MLPH: variants seen among roughly 807,000 people sequenced by gnomAD.
The protein encoded by MLPH is exophilin-3.
In MLPH, 51 loss-of-function variants were observed where a neutral mutation model predicts 72.1. That is an observed-to-expected ratio of 0.71 (90% CI 0.56 to 0.89). MLPH has a LOEUF of 0.89. Among genes scored for constraint, MLPH ranks in the 40% least tolerant of loss-of-function variants. The probability of loss-of-function intolerance (pLI) is 0.00; values close to 1 mark genes in which losing one functional copy is unlikely to be tolerated. For missense variants in MLPH, 743 were observed against 759.9 expected (o/e 0.98, Z 0.26); for synonymous variants, 301 against 310.1 (o/e 0.97, Z 0.31).
intron 6 of MLPH, among the ~76,000 whole-genome samples, chr2:237,524,044 G>A (rs1435078134): frequency 1.3e-5 from 2 of 152,106 alleles, no homozygotes; most frequent in Non-Finnish European, 1.5e-5. Flanking sequence ...AGTCGAACAG[G>A]AGGAACGTGA....
intron 2 of MLPH, among the ~76,000 whole-genome samples, chr2:237,504,109 C>T (rs2106481892): frequency 6.6e-6 from 1 of 152,366 alleles, no homozygotes; most frequent in East Asian, 1.9e-4. Context: ...GGAGGTGCCA[C>T]AATCCTGCCG....
intron 2 of MLPH, among the ~76,000 whole-genome samples, chr2:237,497,117 G>T (rs772599117): frequency 3.9e-5 from 6 of 152,168 alleles, no homozygotes; most frequent in African/African-American, 1.4e-4. Flanking sequence ...TAGATCCCTC[G>T]CAAGCACAGT....
chr2:237,499,165 C>T (rs111655607), intron 2 of MLPH, among the ~76,000 whole-genome samples: 11 of 152,168 alleles, frequency 7.2e-5, no homozygotes, highest in South Asian at 2.1e-4. Context: ...AACTGCTTCA[C>T]GGCAGAGTGT....
In MLPH at chr2:237,492,033, A is replaced by G. The variant is rs151163985; in HGVS notation, c.-24-1370A>G. The stretch of plus-strand genomic sequence containing the variant: ...TCGAGCTGCCTGGAGATCTTGTTCA[A>G]AGGCAGATTCTGAATGAGTAGGTCT... On this transcript the variant is annotated intron_variant, in intron 1 of 15. Transcript: ENST00000264605. Among the ~76,000 whole-genome samples, 877 of 152,300 alleles carry G rather than the reference A, an allele frequency of 5.8e-3. 16 individuals carry two copies. Among genetic ancestry groups the G allele is most frequent in the African/African-American group, 0.02 (849 of 41,548 alleles).
In MLPH at chr2:237,510,440, T is replaced by C. The variant is rs2079865512; in HGVS notation, c.111-134T>C. ...TTTGCCCAACGTTGGGTCACTGTTT[T>C]CTGCATAGGAGACAGTTACTGTGTG... On this transcript the variant is annotated intron_variant, in intron 2 of 15. Coordinates refer to ENST00000264605, the MANE Select transcript of MLPH (RefSeq NM_024101.7). The surrounding 1 kb of genome is among the most constrained non-coding windows in gnomAD (Gnocchi z 4.4). 1 of 944,894 alleles carries C rather than the reference T, an allele frequency of 1.1e-6. No homozygotes were observed. Among genetic ancestry groups the C allele is most frequent in the East Asian group, 2.6e-5 (1 of 37,970 alleles). The allele number at this position is 944,894 out of a possible 1,614,324, so 58.5% of individuals were successfully genotyped here. A position where few individuals can be genotyped will look rare whatever the true frequency, so the allele number is the denominator to read the frequency against.
At chr2:237,546,359 A>G in intron 12 of MLPH, 1 of 539,180 alleles carries the variant, frequency 1.9e-6, no homozygotes, top group Admixed American at 3.1e-5. Context: ...GTGGAGTCTC[A>G]AGATTTGTTT....
intron 10 of MLPH, 55 bp downstream of exon 10, chr2:237,540,588 T>C: frequency 1.3e-6 from 2 of 1,570,122 alleles, no homozygotes; most frequent in South Asian, 1.2e-5. Flanking sequence ...GGGGCAGGGA[T>C]GGACAGTCCC....
In MLPH at chr2:237,525,847, G is replaced by T. The variant is rs574393504; in HGVS notation, c.880+42G>T. The T allele has an allele frequency of 3.9e-5, 62 of 1,579,540 alleles. No individual in the cohort carries two copies. In the African/African-American group the frequency reaches 5.9e-4, roughly 15 times the overall value. On this transcript the variant is annotated intron_variant, in intron 7 of 15. Coordinates refer to ENST00000264605, the MANE Select transcript of MLPH (RefSeq NM_024101.7). ...AGGGTCTTCCTGATGGGCTCGGCATGGGGGAGCAGGTCACTGAGGAACAAC... is the reference window on the plus strand; with the variant it reads ...AGGGTCTTCCTGATGGGCTCGGCATTGGGGAGCAGGTCACTGAGGAACAAC...
intron 4 of MLPH, among the ~76,000 whole-genome samples, chr2:237,513,491 C>T (rs527985713): frequency 4.9e-4 from 74 of 152,300 alleles, no homozygotes; most frequent in African/African-American, 1.7e-3. Context: ...TTTGTTTTCT[C>T]CTATCAAGAG....
At position 237,553,608 on chromosome 2, in the gene MLPH, A is replaced by C; in HGVS notation, c.*16A>C. On this transcript the variant is annotated 3_prime_UTR_variant, in exon 16 of 16. Transcript: ENST00000264605. ...CCAGTCCTAACGGGACAGGACAGAG[A>C]GACAGAGCAGCCCTGCACTGTTTTC... 2 of 1,614,230 alleles carry C rather than the reference A, an allele frequency of 1.2e-6. No individual in the cohort carries two copies. The highest frequency in any genetic ancestry group is 1.7e-6 in the Non-Finnish European group (2 of 1,180,046).
chr2:237,547,912 G>A (rs1053024676), intron 13 of MLPH, among the ~76,000 whole-genome samples: 1 of 152,140 alleles, frequency 6.6e-6, no homozygotes, highest in African/African-American at 2.4e-5. Flanking sequence ...CGCCCCAGGA[G>A]GAATGGGCTT....
chr2:237,500,832 C>T (rs1238883287), intron 2 of MLPH, among the ~76,000 whole-genome samples: 2 of 152,096 alleles, frequency 1.3e-5, no homozygotes, highest in South Asian at 2.1e-4. Context: ...CACTGCTCAC[C>T]GCCCTCAATG....
rs2080097187 is a variant in MLPH, at chr2:237,518,326, G to C, written c.446-213G>C. ...AAATGGGTGGGTGGGTAGGTGAATAGATGAATAGATTGATAAATAGGGGGA... is the reference window on the plus strand; with the variant it reads ...AAATGGGTGGGTGGGTAGGTGAATACATGAATAGATTGATAAATAGGGGGA... On this transcript the variant is annotated intron_variant, in intron 4 of 15. Transcript: ENST00000264605. 6.2e-6 allele frequency: 4 copies of C among 650,352 alleles called. No homozygotes were observed. In the East Asian group the frequency reaches 1.1e-4, roughly 18 times the overall value. 40.3% of individuals were successfully genotyped at this position (650,352 alleles called of 1,614,324 possible).
intron 10 of MLPH, 27 bp downstream of exon 10, chr2:237,540,560 C>A (rs757708240): frequency 3.1e-6 from 5 of 1,598,962 alleles, no homozygotes; most frequent in Admixed American, 3.4e-5. Flanking sequence ...GAGGTCTCAG[C>A]AGGACCCTGC....
rs1553600588 is a variant in MLPH at position 237,531,310 on chromosome 2, G to GGTGGTCAGGATAGAGACATCTCTGGT, written c.1021-3250_1021-3249insTCAGGATAGAGACATCTCTGGTGTGG. Among the ~76,000 whole-genome samples the GGTGGTCAGGATAGAGACATCTCTGGT allele has an allele frequency of 2.7e-3, 413 of 151,976 alleles. 2 individuals are homozygous for GGTGGTCAGGATAGAGACATCTCTGGT. The highest frequency in any genetic ancestry group is 9.0e-3 in the African/African-American group (371 of 41,430). On this transcript the variant is annotated intron_variant, in intron 8 of 15. Transcript: ENST00000264605. The stretch of plus-strand genomic sequence containing the variant: ...GATGCAGGGGACAGTGGAGGACTAG[G>GGTGGTCAGGATAGAGACATCTCTGGT]GTGGCCAGGATAGAGACCTCCCCAG...
At chr2:237,550,127 C>G (rs2081002475) in intron 14 of MLPH, among the ~76,000 whole-genome samples, 1 of 152,236 alleles carries the variant, frequency 6.6e-6, no homozygotes, top group Admixed American at 6.5e-5. Flanking sequence ...GCGCACCAAG[C>G]AGGCACTTGC....
At chr2:237,546,082 C>A (rs530038752) in intron 12 of MLPH, among the ~76,000 whole-genome samples, 2 of 152,262 alleles carry the variant, frequency 1.3e-5, no homozygotes, top group Admixed American at 1.3e-4. Context: ...TGGTTCAGTC[C>A]AGTAAGGTGG....
chr2:237,549,832 G>A (rs1190973998), intron 14 of MLPH, among the ~76,000 whole-genome samples: 1 of 152,106 alleles, frequency 6.6e-6, no homozygotes, highest in African/African-American at 2.4e-5. Flanking sequence ...GACATTGTTG[G>A]ACTGATCTCC....
chr2:237,527,577 CACA>C, intron 8 of MLPH, 61 bp downstream of exon 8: 1 of 1,599,204 alleles, frequency 6.3e-7, no homozygotes, highest in Non-Finnish European at 8.6e-7. Flanking sequence ...TTTTTACCTC[CACA>C]CCAAGTCACT....
Sources: allele counts gnomAD v4.1 joint callset (sites outside exome capture counted in the v4.1 genomes callset), GRCh38; gene constraint gnomAD v4.1.1; non-coding constraint Gnocchi (gnomAD v3.1); transcripts MANE v1.5; gene names NCBI Gene and HGNC (gene_info 2026-07-23, HGNC 2026-07-21).